Variants in EPAS1 observed in about 807,000 individuals in gnomAD.
EPAS1 encodes endothelial PAS domain-containing protein 1.
In EPAS1, 23 loss-of-function variants were observed where a neutral mutation model predicts 87.9. The ratio of observed to expected loss-of-function variants is 0.26; its 90% CI spans 0.19 to 0.37. The LOEUF is 0.37. Among genes scored for constraint, EPAS1 ranks in the 10% least tolerant of loss-of-function variants. The probability of loss-of-function intolerance (pLI) is 1.00; values close to 1 mark genes in which losing one functional copy is unlikely to be tolerated. For synonymous variants in EPAS1, 508 were observed against 444.3 expected (o/e 1.14, Z -1.80); for missense variants, 1,138 against 1,120.7 (o/e 1.02, Z -0.22).
intron 3 of EPAS1, 31 bp from the exon 4 acceptor site, chr2:46,356,693 A>G (rs1421044729): frequency 2.6e-6 from 4 of 1,548,976 alleles, no homozygotes; most frequent in Admixed American, 3.3e-5. Flanking sequence ...ACTGTTAGGA[A>G]TAATGATGCC....
chr2:46,378,115 CAG>C (rs773151643), intron 10 of EPAS1, 28 bp downstream of exon 10: 4 of 1,572,400 alleles, frequency 2.5e-6, no homozygotes, highest in Non-Finnish European at 2.6e-6. Context: ...GGCGAGGACA[CAG>C]AGAGGGCTCC....
chr2:46,357,821 C>A (rs1265444838), intron 4 of EPAS1, among the ~76,000 whole-genome samples: 1 of 152,242 alleles, frequency 6.6e-6, no homozygotes, highest in African/African-American at 2.4e-5. Context: ...CCCACACAGG[C>A]AGAAAGCACG....
chr2:46,365,107 C>T (rs947966226), intron 6 of EPAS1, among the ~76,000 whole-genome samples: 4 of 152,166 alleles, frequency 2.6e-5, no homozygotes, highest in Admixed American at 6.5e-5. Context: ...GAAGCCAAGC[C>T]GTCAGGGAGA....
intron 1 of EPAS1, among the ~76,000 whole-genome samples, chr2:46,306,768 T>A (rs188819470): frequency 1.2e-3 from 188 of 152,344 alleles, no homozygotes; most frequent in Non-Finnish European, 2.2e-3. Flanking sequence ...CCTTCTGCAT[T>A]TCAAGACAAG....
chr2:46,305,539 G>T (rs964656674), intron 1 of EPAS1, among the ~76,000 whole-genome samples: 6 of 152,146 alleles, frequency 3.9e-5, no homozygotes, highest in African/African-American at 1.4e-4. Context: ...CCTGTGAACA[G>T]ATCCTTTTCT....
chr2:46,324,130 G>A (rs532014700), intron 1 of EPAS1, among the ~76,000 whole-genome samples: 7 of 152,170 alleles, frequency 4.6e-5, no homozygotes, highest in Non-Finnish European at 7.3e-5. Flanking sequence ...GCGGTGGTGC[G>A]ATCTTGGCTC....
intron 1 of EPAS1, among the ~76,000 whole-genome samples, chr2:46,322,611 G>C (rs2104850663): frequency 6.6e-6 from 1 of 152,294 alleles, no homozygotes; most frequent in South Asian, 2.1e-4. Context: ...GAGAACCACT[G>C]CTTTCCATCA....
chr2:46,337,713 GA>G (rs1366529817), intron 1 of EPAS1, among the ~76,000 whole-genome samples: 1 of 152,110 alleles, frequency 6.6e-6, no homozygotes. Context: ...AAGCCCTAAG[GA>G]AAAAAATCTA....
At chr2:46,344,288 C>T (rs919673507) in intron 1 of EPAS1, among the ~76,000 whole-genome samples, 15 of 152,176 alleles carry the variant, frequency 9.9e-5, no homozygotes, top group African/African-American at 2.7e-4. Flanking sequence ...GCCTCTTCTT[C>T]GAGGAAGGGG....
intron 1 of EPAS1, among the ~76,000 whole-genome samples, chr2:46,330,928 CT>C (rs1012721382): frequency 6.1e-4 from 89 of 146,914 alleles, no homozygotes; most frequent in Middle Eastern, 7.2e-3. Context: ...CTTGAGGAGT[CT>C]TTTTTTTTTT....
In EPAS1 at chr2:46,356,165, G is replaced by A. The variant is rs370125133; in HGVS notation, c.232G>A (p.Glu78Lys). Residue 78 changes from glutamate to lysine, a missense_variant, in exon 3 of 16, where the codon GAG becomes AAG. Around this residue, in one of 4 missense-constraint regions of EPAS1, gnomAD observed 351 missense variants for 417.1 expected, o/e 0.84. Coordinates refer to ENST00000263734, the MANE Select transcript of EPAS1 (RefSeq NM_001430.5). ...KLLSSVCSEN[E>K]SEAEADQQMD... ...CCCCTTTCCAGTTTGCTCTGAAAAC[G>A]AGTCCGAAGCCGAAGCTGACCAGCA... is the stretch of plus-strand genomic sequence containing the variant. The A allele has an allele frequency of 7.4e-6, 11 of 1,486,092 alleles. No individual in the cohort carries two copies. The highest frequency in any genetic ancestry group is 8.3e-6 in the Non-Finnish European group (9 of 1,089,752). The allele number at this position is 1,486,092 out of a possible 1,614,324, so 92.1% of individuals were successfully genotyped here.
chr2:46,339,800 G>C (rs1228018844), intron 1 of EPAS1, among the ~76,000 whole-genome samples: 2 of 152,170 alleles, frequency 1.3e-5, no homozygotes, highest in Non-Finnish European at 2.9e-5. Flanking sequence ...TTCAGTGTCT[G>C]GTAAGGGCCC....
chr2:46,363,400 GAA>G (rs1684441722), intron 6 of EPAS1, among the ~76,000 whole-genome samples: 1 of 152,172 alleles, frequency 6.6e-6, no homozygotes, highest in Non-Finnish European at 1.5e-5. Flanking sequence ...CTACATAATA[GAA>G]AAGAGATTTT....
In EPAS1 at chr2:46,297,889, C is replaced by A. The variant is rs377563141; in HGVS notation, c.-23C>A. On this transcript the variant is annotated 5_prime_UTR_variant, in exon 1 of 16. Coordinates refer to ENST00000263734, the MANE Select transcript of EPAS1 (RefSeq NM_001430.5). ...GGAGCCCAGGTGCTCGGCGTCTGAA[C>A]GTCTCAAAGGGCCACAGCGACAATG... 6.2e-7 allele frequency: 1 copy of A among 1,610,148 alleles called. No homozygotes were observed.
chr2:46,297,846 C>T lies in EPAS1; in HGVS notation c.-66C>T. 2 of 1,579,720 alleles carry T rather than the reference C, an allele frequency of 1.3e-6. No homozygotes were observed. Among genetic ancestry groups the T allele is most frequent in the South Asian group, 2.3e-5 (2 of 87,538 alleles). On this transcript the variant is annotated 5_prime_UTR_variant, in exon 1 of 16. Coordinates refer to ENST00000263734, the MANE Select transcript of EPAS1 (RefSeq NM_001430.5). ...GGCCGCGGGGAGCGGACGAGGGCCA[C>T]AGCCCCCCACCCGCCAGGGAGCCCA...
intron 4 of EPAS1, 39 bp downstream of exon 4, chr2:46,356,847 G>A: frequency 6.8e-7 from 1 of 1,471,586 alleles, no homozygotes; most frequent in Non-Finnish European, 9.5e-7. Flanking sequence ...TGCCCCCACT[G>A]GGTGGGAATC....
intron 6 of EPAS1, among the ~76,000 whole-genome samples, chr2:46,366,767 C>T (rs973435781): frequency 6.6e-6 from 1 of 152,128 alleles, no homozygotes; most frequent in Non-Finnish European, 1.5e-5. Context: ...AGCAGATGAA[C>T]TTGTGTTATC....
At chr2:46,348,613 C>T (rs912146716) in intron 2 of EPAS1, among the ~76,000 whole-genome samples, 1 of 152,200 alleles carries the variant, frequency 6.6e-6, no homozygotes, top group African/African-American at 2.4e-5. Context: ...TTGGATTAAT[C>T]ATTGCTTCTT....
rs368456528 is a variant in EPAS1, at chr2:46,361,022, C to G, written c.711C>G (p.Ile237Met). 12 of 1,614,036 alleles carry G rather than the reference C, an allele frequency of 7.4e-6. No homozygotes were observed. The African/African-American group carries it at 9.3e-5, about 13-fold the overall frequency. ...TCCAGCACCCATCCCACATGGACAT[C>G]CCCCTGGATAGCAAGACCTTCCTGA... is the stretch of plus-strand genomic sequence containing the variant. ...EPIQHPSHMD[I>M]PLDSKTFLSR... Residue 237 changes from isoleucine (I) to methionine (M), a missense_variant, in exon 6 of 16, where the codon ATC becomes ATG. Transcript: ENST00000263734.
Sources: allele counts gnomAD v4.1 joint callset (sites outside exome capture counted in the v4.1 genomes callset), GRCh38; gene constraint gnomAD v4.1.1; regional missense constraint gnomAD v4.1.1; transcripts MANE v1.5; gene names NCBI Gene and HGNC (gene_info 2026-07-23, HGNC 2026-07-21).